The following SECISBP2 variants were observed in gnomAD, a reference collection of about 807,000 sequenced individuals.
SECISBP2 encodes the protein SECIS binding protein 2.
In SECISBP2, 96 loss-of-function variants were observed where a neutral mutation model predicts 98.2. The ratio of observed to expected loss-of-function variants is 0.98; its 90% CI spans 0.83 to 1.16. SECISBP2 has a LOEUF of 1.16. SECISBP2 is among the 50% of genes most tolerant of loss of function. SECISBP2 has a pLI of 0.00. For missense variants in SECISBP2, 1,046 were observed against 1,022.9 expected, an observed-to-expected ratio of 1.02 and a Z score of -0.31; for synonymous variants, 407 against 370.2, an observed-to-expected ratio of 1.10 and a Z score of -1.14.
chr9:89,318,714 T>A, intron 1 of SECISBP2, 102 bp downstream of exon 1: 1 of 1,267,996 alleles, frequency 7.9e-7, no homozygotes. Context: ...CGGGCGTGGG[T>A]CGGATGCTGG....
At chr9:89,366,149 C>T in the SECISBP2 span, among the ~76,000 whole-genome samples, 2 of 152,172 alleles carry the variant, frequency 1.3e-5, no homozygotes, top group African/African-American at 4.8e-5. Flanking sequence ...TATTCAGCAA[C>T]ACAGAAAAAT....
chr9:89,347,881 C>T (rs1830664075), intron 11 of SECISBP2, among the ~76,000 whole-genome samples, 198 bp from the exon 12 acceptor site: 1 of 152,126 alleles, frequency 6.6e-6, no homozygotes, highest in Non-Finnish European at 1.5e-5. Flanking sequence ...GCTCTGCATA[C>T]CTTGGGAGGA....
chr9:89,325,723 A>G, intron 3 of SECISBP2, 47 bp downstream of exon 3: 2 of 1,612,834 alleles, frequency 1.2e-6, no homozygotes, highest in Non-Finnish European at 1.7e-6. Context: ...GGTTGCTTTA[A>G]TGTTTAAAAT....
chr9:89,357,889 A>C (rs1832339069), intron 15 of SECISBP2, 110 bp from the exon 16 acceptor site: 156 of 1,209,292 alleles, frequency 1.3e-4, no homozygotes, highest in Non-Finnish European at 1.7e-4. Context: ...TGAGGTCCAC[A>C]TTACCCCATG....
In SECISBP2 at chr9:89,325,668, C is replaced by G; in HGVS notation, c.424C>G (p.Leu142Val). Residue 142 changes from leucine (L) to valine (V), a missense_variant, in exon 3 of 17, where the codon CTG becomes GTG. Leu to Val is a conservative substitution (Grantham distance 32). Coordinates refer to ENST00000375807, the MANE Select transcript of SECISBP2 (RefSeq NM_024077.5). ...CCCTCTCCCACAAGAAATGAAAGCT[C>G]TGTTTAAGGTGAGTAGTGATGTTGT... ...TCPLPQEMKALFKKKTYDEKK... is the reference protein window; with the variant it reads ...TCPLPQEMKAVFKKKTYDEKK... The G allele has an allele frequency of 4.3e-6, 7 of 1,614,114 alleles. No homozygotes were observed. Among genetic ancestry groups the G allele is most frequent in the Non-Finnish European group, 5.9e-6 (7 of 1,180,018 alleles).
intron 7 of SECISBP2, 83 bp from the exon 8 acceptor site, chr9:89,338,375 T>C (rs921303398): frequency 1.7e-5 from 25 of 1,484,206 alleles, no homozygotes; most frequent in Middle Eastern, 2.2e-4. Context: ...GGACTTGATA[T>C]CTTAATTTTG....
downstream of SECISBP2, chr9:89,363,755 G>A (rs1173686782): frequency 3.7e-6 from 6 of 1,612,894 alleles, no homozygotes; most frequent in Non-Finnish European, 5.1e-6. Flanking sequence ...TCTCATCACA[G>A]CAACCTGCAC....
downstream of SECISBP2, chr9:89,363,828 T>C (rs1348749004): frequency 6.2e-7 from 1 of 1,614,164 alleles, no homozygotes; most frequent in South Asian, 1.1e-5. Flanking sequence ...CTTTCCCTGA[T>C]GGCGTCCTGC....
downstream of SECISBP2, chr9:89,363,376 G>T (rs538027641): frequency 3.8e-6 from 6 of 1,598,852 alleles, no homozygotes; most frequent in African/African-American, 8.0e-5. Context: ...GATGTGGCAG[G>T]TGCCCTGCCC....
At chr9:89,336,787 T>C (rs1442844336) in intron 7 of SECISBP2, among the ~76,000 whole-genome samples, 2 of 146,324 alleles carry the variant, frequency 1.4e-5, no homozygotes, top group Non-Finnish European at 3.0e-5. Context: ...TTTTTTTTTT[T>C]TTGAGATGGA....
chr9:89,326,914 G>C (rs1416749707), intron 4 of SECISBP2, among the ~76,000 whole-genome samples: 1 of 152,196 alleles, frequency 6.6e-6, no homozygotes, highest in Admixed American at 6.5e-5. Flanking sequence ...TGTAATCCCA[G>C]CACTTTGGGA....
chr9:89,344,717 T>G (rs1430088249), intron 10 of SECISBP2, among the ~76,000 whole-genome samples: 1 of 152,238 alleles, frequency 6.6e-6, no homozygotes, highest in African/African-American at 2.4e-5. Context: ...TCTTAGCAGT[T>G]GCTGTAGGGA....
downstream of SECISBP2, among the ~76,000 whole-genome samples, chr9:89,360,065 G>C (rs1402311215): frequency 6.6e-6 from 1 of 152,180 alleles, no homozygotes; most frequent in Non-Finnish European, 1.5e-5. Context: ...CTGGAAATGT[G>C]ACCAGAGGTT....
At position 89,325,603 on chromosome 9, in the gene SECISBP2, G is replaced by A. The variant is rs376067869; in HGVS notation, c.359G>A (p.Arg120Gln). 114 of 1,613,980 alleles carry A rather than the reference G, an allele frequency of 7.1e-5. 1 individual carries two copies. Among genetic ancestry groups the A allele is most frequent in the Non-Finnish European group, 8.4e-5 (99 of 1,180,030 alleles). Residue 120 changes from arginine to glutamine, a missense_variant, in exon 3 of 17, where the codon CGA (arginine) becomes CAA (glutamine). Physicochemically the swap from Arg to Gln is conservative, Grantham distance 43. Transcript: ENST00000375807. ...CTTTATAACCAACCCAGTTGTTACC[G>A]AGGTTTTCAAACAGTGAAGCATCGA... is the stretch of plus-strand genomic sequence containing the variant. ...QYLYNQPSCY[R>Q]GFQTVKHRNE...
At chr9:89,328,397 C>T (rs1827142685) in intron 4 of SECISBP2, among the ~76,000 whole-genome samples, 2 of 152,222 alleles carry the variant, frequency 1.3e-5, no homozygotes, top group Non-Finnish European at 1.5e-5. Flanking sequence ...TCATATGTGG[C>T]GCGTGACTAT....
At position 89,325,071 on chromosome 9, in the gene SECISBP2, G is replaced by T. The variant is rs1430193242; in HGVS notation, c.183-356G>T. Reference sequence around the variant, plus strand: ...TGGTGGAGGCATTGCAGGCTGTTGGGTCTCCCCGCAGCAGAGAGAATGGTC... The same window carrying T: ...TGGTGGAGGCATTGCAGGCTGTTGGTTCTCCCCGCAGCAGAGAGAATGGTC... On this transcript the variant is annotated intron_variant, in intron 2 of 16. Coordinates refer to ENST00000375807, the MANE Select transcript of SECISBP2 (RefSeq NM_024077.5). 1.3e-5 allele frequency: 4 copies of T among 315,554 alleles called. No individual in the cohort carries two copies. In the Admixed American group the frequency reaches 2.0e-4, roughly 16 times the overall value. 19.5% of individuals were successfully genotyped at this position (315,554 alleles called of 1,614,324 possible).
At chr9:89,337,121 C>T (rs1054323375) in intron 7 of SECISBP2, among the ~76,000 whole-genome samples, 7 of 152,030 alleles carry the variant, frequency 4.6e-5, no homozygotes, top group Non-Finnish European at 5.9e-5. Context: ...CTCTCAGAGC[C>T]GGTTTTCCTA....
intron 2 of SECISBP2, among the ~76,000 whole-genome samples, chr9:89,322,025 C>T (rs1486721110): frequency 6.6e-6 from 1 of 152,226 alleles, no homozygotes; most frequent in East Asian, 1.9e-4. Flanking sequence ...TGTCCCCTTC[C>T]CTCATCTTTC....
chr9:89,339,403 A>G (rs1277455736), intron 8 of SECISBP2, among the ~76,000 whole-genome samples: 1 of 152,226 alleles, frequency 6.6e-6, no homozygotes, highest in Non-Finnish European at 1.5e-5. Flanking sequence ...CAAGGAACCT[A>G]AAATATTGAC....
Sources: allele counts gnomAD v4.1 joint callset (sites outside exome capture counted in the v4.1 genomes callset), GRCh38; gene constraint gnomAD v4.1.1; transcripts MANE v1.5; gene names NCBI Gene and HGNC (gene_info 2026-07-23, HGNC 2026-07-21).